The following ARSJ variants were observed in gnomAD, a reference collection of about 807,000 sequenced individuals.
The protein encoded by ARSJ is arylsulfatase family member J, also known as arylsulfatase J.
A neutral mutation model predicts 35.9 loss-of-function variants in ARSJ; 26 were observed. The observed-to-expected ratio is 0.72, with a 90% confidence interval of 0.53 to 1.00. ARSJ has a LOEUF of 1.00. ARSJ is among the 50% of genes least tolerant of loss of function. The probability of loss-of-function intolerance (pLI) is 0.00; values close to 1 mark genes in which losing one functional copy is unlikely to be tolerated. For missense variants in ARSJ, 667 were observed against 723.6 expected (o/e 0.92, Z 0.90); for synonymous variants, 294 against 267.6 (o/e 1.10, Z -0.96).
chr4:113,948,826 C>A (rs1201115920), intron 1 of ARSJ, among the ~76,000 whole-genome samples: 2 of 152,058 alleles, frequency 1.3e-5, no homozygotes, highest in Non-Finnish European at 2.9e-5. Context: ...TGGCTTTGTT[C>A]TTGGAATTTT....
intron 1 of ARSJ, among the ~76,000 whole-genome samples, chr4:113,924,087 ATAT>A (rs1340119706): frequency 6.3e-5 from 8 of 127,626 alleles, no homozygotes; most frequent in Non-Finnish European, 1.1e-4. Context: ...ATATATATAT[ATAT>A]ATATATATAT....
intron 1 of ARSJ, among the ~76,000 whole-genome samples, chr4:113,968,666 A>G (rs1030624981): frequency 1.3e-5 from 2 of 152,248 alleles, no homozygotes; most frequent in Admixed American, 1.3e-4. Flanking sequence ...ATAAATGGAA[A>G]ATTGTTGGGA....
chr4:113,969,773 G>A (rs990847132), intron 1 of ARSJ, among the ~76,000 whole-genome samples: 2 of 152,156 alleles, frequency 1.3e-5, no homozygotes, highest in African/African-American at 4.8e-5. Flanking sequence ...CTGCCAGGGG[G>A]AAATAAATAA....
intron 1 of ARSJ, among the ~76,000 whole-genome samples, chr4:113,928,024 G>A (rs1167113338): frequency 2.0e-5 from 3 of 152,078 alleles, no homozygotes; most frequent in South Asian, 2.1e-4. Context: ...GCATTCTGGC[G>A]CTGGGGAAAT....
chr4:113,936,393 G>T (rs1426532959), intron 1 of ARSJ, among the ~76,000 whole-genome samples: 1 of 151,788 alleles, frequency 6.6e-6, no homozygotes, highest in East Asian at 1.9e-4. Flanking sequence ...AAAAATTATA[G>T]ATTTTGTTTA....
intron 1 of ARSJ, among the ~76,000 whole-genome samples, chr4:113,942,486 T>C (rs537518618): frequency 1.3e-5 from 2 of 152,142 alleles, no homozygotes; most frequent in African/African-American, 4.8e-5. Flanking sequence ...CTCCAAACAA[T>C]ATCACTCCTA....
chr4:113,913,473 T>C (rs1290941401), intron 1 of ARSJ, among the ~76,000 whole-genome samples: 1 of 152,080 alleles, frequency 6.6e-6, no homozygotes, highest in Non-Finnish European at 1.5e-5. Context: ...GACCCATACT[T>C]CAAAAAAATA....
At chr4:113,974,982 C>A (rs1282861194) in intron 1 of ARSJ, among the ~76,000 whole-genome samples, 1 of 152,068 alleles carries the variant, frequency 6.6e-6, no homozygotes, top group Non-Finnish European at 1.5e-5. Context: ...GAATACTATT[C>A]AATGATAGTG....
intron 1 of ARSJ, among the ~76,000 whole-genome samples, chr4:113,976,700 T>C (rs1434919525): frequency 2.6e-5 from 4 of 152,238 alleles, no homozygotes; most frequent in African/African-American, 7.2e-5. Context: ...ACAGTAGCTA[T>C]TTGTACTTTT....
Position 113,902,192 on chromosome 4 carries a change from G to T in ARSJ, c.*82C>A. 6.3e-7 allele frequency: 1 copy of T among 1,599,332 alleles called. No individual in the cohort carries two copies. The highest frequency in any genetic ancestry group is 1.1e-5 in the South Asian group (1 of 90,738). ...TGACGCTTAGGCCAGCGATATTATC[G>T]AGCCAAATTTGCTGGTTTACCTAGG... On this transcript the variant is annotated 3_prime_UTR_variant, in exon 2 of 2. Transcript: ENST00000315366.
chr4:113,916,371 G>A (rs952948596), intron 1 of ARSJ, among the ~76,000 whole-genome samples: 12 of 152,062 alleles, frequency 7.9e-5, no homozygotes, highest in African/African-American at 2.7e-4. Flanking sequence ...TTATAAAGGC[G>A]ATATTAATGA....
chr4:113,925,140 C>A (rs1220719258), intron 1 of ARSJ, among the ~76,000 whole-genome samples: 4 of 152,084 alleles, frequency 2.6e-5, no homozygotes, highest in African/African-American at 9.7e-5. Flanking sequence ...GGGTCAATCA[C>A]CCCAGCCAAC....
chr4:113,905,856 T>C (rs1422289238), intron 1 of ARSJ, among the ~76,000 whole-genome samples: 1 of 151,662 alleles, frequency 6.6e-6, no homozygotes, highest in Non-Finnish European at 1.5e-5. Flanking sequence ...TTAGTAGAGA[T>C]AGCGTTTCAC....
chr4:113,931,142 A>T (rs1724421077), intron 1 of ARSJ, among the ~76,000 whole-genome samples: 1 of 151,894 alleles, frequency 6.6e-6, no homozygotes, highest in Non-Finnish European at 1.5e-5. Context: ...AACCTACACA[A>T]TGTGCACATG....
intron 1 of ARSJ, among the ~76,000 whole-genome samples, chr4:113,959,679 T>C (rs1726417847): frequency 6.6e-6 from 1 of 152,084 alleles, no homozygotes; most frequent in Non-Finnish European, 1.5e-5. Flanking sequence ...ATATTTTACT[T>C]TGTGTATATT....
rs1162637378 is a variant in ARSJ at position 113,902,598 on chromosome 4, A to G, written c.1476T>C (p.Ser492=). The change falls in exon 2 of 2, where the codon AGT becomes AGC. Residue 492 remains serine, a synonymous_variant. Transcript: ENST00000315366. ...CGGCTGTGATGTTGAAAAGCCATAC[A>G]CTTTTGCCAGTTGACAAGGTGATCC... ...NERITLSTGK[S]VWLFNITADP... is the part of the protein sequence containing the mutation. 3.7e-6 allele frequency: 6 copies of G among 1,613,900 alleles called. No individual in the cohort carries two copies. In the African/African-American group the frequency reaches 5.3e-5, roughly 14 times the overall value.
At position 113,905,660 on chromosome 4, in the gene ARSJ, A is replaced by ATTTTTTTTTTTTTT. The variant is rs766150372; in HGVS notation, c.399-1999_399-1986dup. On this transcript the variant is annotated intron_variant, in intron 1 of 1. Coordinates refer to ENST00000315366, the MANE Select transcript of ARSJ (RefSeq NM_024590.4). ...GAAGGCATTGTTACTGTTCTTGATA[A>ATTTTTTTTTTTTTT]TTTTTTTTTTTTTTTTTTTTTTTTT... Among the ~76,000 whole-genome samples, 3 of 81,850 alleles carry ATTTTTTTTTTTTTT rather than the reference A, an allele frequency of 3.7e-5. 1 individual carries two copies. The highest frequency in any genetic ancestry group is 4.3e-5 in the Non-Finnish European group (2 of 46,502). 53.7% of individuals were successfully genotyped at this position (81,850 alleles called of 152,430 possible).
chr4:113,923,049 T>A (rs528828272), intron 1 of ARSJ, among the ~76,000 whole-genome samples: 2 of 152,290 alleles, frequency 1.3e-5, no homozygotes, highest in South Asian at 4.1e-4. Context: ...CTCCTGAAGA[T>A]GGAATTCTGC....
intron 1 of ARSJ, among the ~76,000 whole-genome samples, chr4:113,908,545 T>C (rs189450579): frequency 6.6e-5 from 10 of 151,414 alleles, no homozygotes; most frequent in African/African-American, 2.4e-4. Flanking sequence ...ACAAATTTAA[T>C]AAAAAGCAAG....
Sources: gnomAD v4.1 joint callset for allele counts (sites outside exome capture counted in the v4.1 genomes callset) on GRCh38, gnomAD v4.1.1 for gene constraint, MANE v1.5 for transcripts, NCBI Gene and HGNC (gene_info 2026-07-23, HGNC 2026-07-21) for gene names.